Variants in ERO1A observed in about 807,000 individuals in gnomAD.
ERO1A encodes endoplasmic reticulum oxidoreductase 1 alpha.
ERO1A carries 49 observed loss-of-function variants against 76.9 expected under a neutral mutation model. The ratio of observed to expected loss-of-function variants is 0.64; its 90% CI spans 0.51 to 0.81. The LOEUF is 0.81. ERO1A is among the 30% of genes least tolerant of loss of function. The probability of loss-of-function intolerance (pLI) is 0.00; values close to 1 mark genes in which losing one functional copy is unlikely to be tolerated. For missense variants in ERO1A, 448 were observed against 542.1 expected, an observed-to-expected ratio of 0.83 and a Z score of 1.72; for synonymous variants, 174 against 181.2, an observed-to-expected ratio of 0.96 and a Z score of 0.32.
chr14:52,647,142 A>ATTTTTTT (rs58456682), intron 13 of ERO1A: 6 of 62,202 alleles, frequency 9.6e-5, no homozygotes, highest in African/African-American at 3.2e-4. Flanking sequence ...CGCCCAGCTA[A>ATTTTTTT]TTTTTTTTTT....
rs1453137930 is a variant in ERO1A, at chr14:52,641,917, G to A, written c.*1653C>T. ...CCAACAAATATTTATTGGATACCAA[G>A]TATGTGCTTGGCACTGTACCAGGCC... On this transcript the variant is annotated 3_prime_UTR_variant, in exon 16 of 16. Transcript: ENST00000395686. 1.3e-5 allele frequency: 2 copies of A among 152,160 alleles called. No homozygotes were observed. Among genetic ancestry groups the A allele is most frequent in the African/African-American group, 4.8e-5 (2 of 41,432 alleles). 9.4% of individuals were successfully genotyped at this position (152,160 alleles called of 1,614,324 possible).
chr14:52,658,869 AAT>A (rs888319238), intron 9 of ERO1A, among the ~76,000 whole-genome samples: 84 of 152,344 alleles, frequency 5.5e-4, no homozygotes, highest in African/African-American at 2.0e-3. Flanking sequence ...CATAAGAAAT[AAT>A]CATACAACTC....
chr14:52,641,276 G>A lies in ERO1A; in HGVS notation c.*2294C>T, dbSNP rs1444604942. ...GCCAGTAGAAGGTGACAAAGTAGAG[G>A]TAAGAATATTCCTTCAAAAAGATTG... is the stretch of plus-strand genomic sequence containing the variant. On this transcript the variant is annotated 3_prime_UTR_variant, in exon 16 of 16. Coordinates refer to ENST00000395686, the MANE Select transcript of ERO1A (RefSeq NM_014584.3). The A allele has an allele frequency of 1.3e-5, 2 of 151,844 alleles. No homozygotes were observed. The highest frequency in any genetic ancestry group is 2.4e-5 in the African/African-American group (1 of 41,328). The allele number at this position is 151,844 out of a possible 1,614,324, so 9.4% of individuals were successfully genotyped here.
intron 6 of ERO1A, 36 bp from the exon 7 acceptor site, chr14:52,666,531 C>T: frequency 1.3e-6 from 2 of 1,564,492 alleles, no homozygotes; most frequent in Non-Finnish European, 8.7e-7. Context: ...CCTTTCTTAT[C>T]CTCAGTTACC....
intron 13 of ERO1A, 184 bp from the exon 14 acceptor site, chr14:52,646,645 C>A: frequency 2.1e-6 from 1 of 486,732 alleles, no homozygotes; most frequent in Non-Finnish European, 3.6e-6. Context: ...ATTTAATCTT[C>A]ACCACAAATC....
chr14:52,681,883 T>C (rs1288604141), intron 3 of ERO1A, among the ~76,000 whole-genome samples: 2 of 152,120 alleles, frequency 1.3e-5, no homozygotes, highest in African/African-American at 4.8e-5. Flanking sequence ...TCAGAAAAGA[T>C]GTAAGAGGAA....
intron 1 of ERO1A, among the ~76,000 whole-genome samples, chr14:52,684,931 CAA>C (rs2041131539): frequency 6.6e-6 from 1 of 151,680 alleles, no homozygotes; most frequent in South Asian, 2.1e-4. Flanking sequence ...ATTCCAAAAA[CAA>C]AAACAAACTT....
In ERO1A at chr14:52,642,832, C is replaced by G. The variant is rs1475893094; in HGVS notation, c.*738G>C. ...TATGAGAATAAATATATAATCTATTCAACTTTTCACAATGTTTAGAAATCT... is the reference window on the plus strand; with the variant it reads ...TATGAGAATAAATATATAATCTATTGAACTTTTCACAATGTTTAGAAATCT... On this transcript the variant is annotated 3_prime_UTR_variant, in exon 16 of 16. Transcript: ENST00000395686. 6.6e-6 allele frequency: 1 copy of G among 152,442 alleles called. No individual in the cohort carries two copies. The highest frequency in any genetic ancestry group is 2.4e-5 in the African/African-American group (1 of 41,404). 9.4% of individuals were successfully genotyped at this position (152,442 alleles called of 1,614,324 possible).
chr14:52,667,054 A>C (rs1326239378), intron 6 of ERO1A, among the ~76,000 whole-genome samples: 1 of 152,274 alleles, frequency 6.6e-6, no homozygotes, highest in Non-Finnish European at 1.5e-5. Flanking sequence ...AGAATCAAAG[A>C]AACATGGTAA....
intron 3 of ERO1A, among the ~76,000 whole-genome samples, chr14:52,680,618 T>G (rs939321436): frequency 2.6e-5 from 4 of 152,228 alleles, no homozygotes; most frequent in African/African-American, 9.6e-5. Context: ...TTCATATAAT[T>G]AGGATATTGG....
chr14:52,680,425 T>C (rs17125646), intron 3 of ERO1A, among the ~76,000 whole-genome samples: 22,554 of 151,858 alleles, frequency 0.15, 1,876 homozygotes, highest in African/African-American at 0.22. Context: ...TTCCAAATGG[T>C]GTCCCCTAGT....
intron 9 of ERO1A, among the ~76,000 whole-genome samples, chr14:52,660,391 C>T (rs1211869257): frequency 6.6e-6 from 1 of 152,104 alleles, no homozygotes; most frequent in Admixed American, 6.6e-5. Flanking sequence ...TAGCATAGAA[C>T]TAGGTTAATA....
chr14:52,663,699 A>T, intron 8 of ERO1A, 102 bp downstream of exon 8: 1 of 706,152 alleles, frequency 1.4e-6, no homozygotes, highest in Non-Finnish European at 2.5e-6. Context: ...ACTGTGGATT[A>T]TATGACTTCA....
chr14:52,653,770 AAAT>A (rs1180034044), intron 11 of ERO1A, among the ~76,000 whole-genome samples: 2 of 151,914 alleles, frequency 1.3e-5, no homozygotes, highest in African/African-American at 4.8e-5. Flanking sequence ...AATTATTTAT[AAAT>A]ATAAATAAAA....
chr14:52,693,737 A>AG (rs1293501261), intron 1 of ERO1A, among the ~76,000 whole-genome samples: 1 of 151,890 alleles, frequency 6.6e-6, no homozygotes, highest in Non-Finnish European at 1.5e-5. Flanking sequence ...GACTCAAGAG[A>AG]TCCTCCCACC....
chr14:52,683,400 T>C (rs1017780642), intron 2 of ERO1A, among the ~76,000 whole-genome samples: 1 of 152,210 alleles, frequency 6.6e-6, no homozygotes, highest in Admixed American at 6.5e-5. Context: ...TATCTCAAGA[T>C]AAAACAGCAC....
chr14:52,693,941 T>C (rs1387202843), intron 1 of ERO1A, among the ~76,000 whole-genome samples: 1 of 152,086 alleles, frequency 6.6e-6, no homozygotes, highest in Non-Finnish European at 1.5e-5. Context: ...AAAAGTTTAA[T>C]CACTAGTTAG....
intron 6 of ERO1A, among the ~76,000 whole-genome samples, chr14:52,671,136 G>C (rs2040583499): frequency 6.6e-6 from 1 of 152,148 alleles, no homozygotes. Flanking sequence ...TTAGCATGTT[G>C]TCAAGATCCA....
At chr14:52,682,476 A>T in intron 2 of ERO1A, 68 bp from the exon 3 acceptor site, 1 of 1,180,590 alleles carries the variant, frequency 8.5e-7, no homozygotes, top group Non-Finnish European at 1.2e-6. Context: ...ACAGTTACAA[A>T]TTATGGTGCT....
Sources: gnomAD v4.1 joint callset for allele counts (sites outside exome capture counted in the v4.1 genomes callset) on GRCh38, gnomAD v4.1.1 for gene constraint, MANE v1.5 for transcripts, NCBI Gene and HGNC (gene_info 2026-07-23, HGNC 2026-07-21) for gene names.